The following OR51M1 variants were observed in gnomAD, a reference collection of about 807,000 sequenced individuals.
OR51M1 encodes the protein olfactory receptor family 51 subfamily M member 1.
For missense variants in OR51M1, 509 were observed against 404.4 expected (o/e 1.26, Z -2.22); for synonymous variants, 199 against 155.1 (o/e 1.28, Z -2.10).
chr11:5,393,039 A>G lies in OR51M1; in HGVS notation c.*2660A>G, dbSNP rs748583357. 3.9e-5 allele frequency: 6 copies of G among 152,256 alleles called. No individual in the cohort carries two copies. The highest frequency in any genetic ancestry group is 9.6e-5 in the African/African-American group (4 of 41,468). The allele number at this position is 152,256 out of a possible 1,614,324, so 9.4% of individuals were successfully genotyped here. ...TTTATAAAAAACAAAATACATCAAA[A>G]GACTTGAAAATATTCATGCTCTGTG... is the stretch of plus-strand genomic sequence containing the variant. On this transcript the variant is annotated 3_prime_UTR_variant, in exon 3 of 3. Transcript: ENST00000642046.
At position 5,390,176 on chromosome 11, in the gene OR51M1, G is replaced by C. The variant is rs774673987; in HGVS notation, c.778G>C (p.Val260Leu). ...FQTCTAPLCA[V>L]LVFFVPMMGL... Reference sequence around the variant, plus strand: ...GACATGCACCGCTCCTCTCTGTGCTGTGCTAGTATTCTTTGTGCCCATGAT... The same window carrying C: ...GACATGCACCGCTCCTCTCTGTGCTCTGCTAGTATTCTTTGTGCCCATGAT... The change falls in exon 3 of 3, where the codon GTG becomes CTG. Residue 260 changes from valine to leucine, a missense_variant. Val to Leu is a conservative substitution (Grantham distance 32, BLOSUM62 1). Transcript: ENST00000642046. 5.0e-6 allele frequency: 8 copies of C among 1,613,888 alleles called. No homozygotes were observed. Among genetic ancestry groups the C allele is most frequent in the South Asian group, 1.1e-5 (1 of 91,090 alleles).
intron 2 of OR51M1, among the ~76,000 whole-genome samples, chr11:5,388,753 G>A (rs2133727004): frequency 6.6e-6 from 1 of 152,022 alleles, no homozygotes; most frequent in South Asian, 2.1e-4. Context: ...GAATACAGTA[G>A]TACAAAAGAT....
intron 2 of OR51M1, among the ~76,000 whole-genome samples, chr11:5,388,441 G>T (rs1849736036): frequency 6.6e-6 from 1 of 151,006 alleles, no homozygotes; most frequent in Non-Finnish European, 1.5e-5. Flanking sequence ...AGCTAAGGTG[G>T]GTTATATTAG....
chr11:5,384,646 G>A (rs752390251), intron 1 of OR51M1, among the ~76,000 whole-genome samples: 1 of 152,094 alleles, frequency 6.6e-6, no homozygotes, highest in African/African-American at 2.4e-5. Context: ...CGAGCCATCT[G>A]GTATACACAC....
chr11:5,388,715 CGT>C (rs200737360), intron 2 of OR51M1, among the ~76,000 whole-genome samples: 3,569 of 151,798 alleles, frequency 0.024, 65 homozygotes, highest in Non-Finnish European at 0.036. Context: ...TTTATGTATA[CGT>C]CTCTCTTGCT....
In OR51M1 at chr11:5,389,854, A is replaced by G; in HGVS notation, c.456A>G (p.Gln152=). 2 of 1,613,798 alleles carry G rather than the reference A, an allele frequency of 1.2e-6. No individual in the cohort carries two copies. Among genetic ancestry groups the G allele is most frequent in the Non-Finnish European group, 1.7e-6 (2 of 1,179,878 alleles). The change falls in exon 3 of 3, where the codon CAA becomes CAG. Residue 152 remains glutamine (Q), a synonymous_variant. Transcript: ENST00000642046. ...ATTCGGTCATTATCACTGGCCAGCA[A>G]GTGGTCAGAGCAGGCCTAATTGTCA... ...LRYSVIITGQ[Q]VVRAGLIVIF... is the part of the protein sequence containing the mutation.
At chr11:5,385,255 A>G (rs1194854659) in intron 1 of OR51M1, 98 bp from the exon 2 acceptor site, 1 of 152,230 alleles carries the variant, frequency 6.6e-6, no homozygotes, top group Non-Finnish European at 1.5e-5. Context: ...ATGGATAATT[A>G]TCTCTCTTGC....
In OR51M1 at chr11:5,392,416, T is replaced by C. The variant is rs2133732029; in HGVS notation, c.*2037T>C. The C allele has an allele frequency of 6.6e-6, 1 of 152,292 alleles. No individual in the cohort carries two copies. Among genetic ancestry groups the C allele is most frequent in the East Asian group, 1.9e-4 (1 of 5,184 alleles). The allele number at this position is 152,292 out of a possible 1,614,324, so 9.4% of individuals were successfully genotyped here. On this transcript the variant is annotated 3_prime_UTR_variant, in exon 3 of 3. Transcript: ENST00000642046. ...ATTTGGTAGAATGGGGTACAAAAAA[T>C]TTAGGATTTGGATTTAGATTAGCAC...
At position 5,389,713 on chromosome 11, in the gene OR51M1, C is replaced by T. The variant is rs1849762320; in HGVS notation, c.315C>T (p.Tyr105=). ...GIFWFNSHSI[Y]FGACQIQMFC... ...TCTGGTTTAACTCCCATAGTATCTACTTTGGAGCGTGTCAAATCCAGATGT... is the reference window on the plus strand; with the variant it reads ...TCTGGTTTAACTCCCATAGTATCTATTTTGGAGCGTGTCAAATCCAGATGT... The change falls in exon 3 of 3, where the codon TAC becomes TAT. Residue 105 remains tyrosine (Y), a synonymous_variant. Coordinates refer to ENST00000642046, the MANE Select transcript of OR51M1 (RefSeq NM_001004756.3). 1.9e-6 allele frequency: 3 copies of T among 1,613,884 alleles called. No homozygotes were observed. The highest frequency in any genetic ancestry group is 8.5e-7 in the Non-Finnish European group (1 of 1,179,882).
intron 2 of OR51M1, among the ~76,000 whole-genome samples, chr11:5,386,604 A>G (rs958392966): frequency 4.6e-5 from 7 of 152,012 alleles, no homozygotes; most frequent in African/African-American, 1.4e-4. Flanking sequence ...AAAACAGTGC[A>G]GTGATTCATA....
intron 2 of OR51M1, among the ~76,000 whole-genome samples, chr11:5,388,452 T>C (rs1401906904): frequency 6.6e-6 from 1 of 151,038 alleles, no homozygotes; most frequent in African/African-American, 2.4e-5. Context: ...GTTATATTAG[T>C]AGAAGTTAAC....
Position 5,390,234 on chromosome 11 carries a change from A to T in OR51M1, c.836A>T (p.His279Leu). 6.2e-7 allele frequency: 1 copy of T among 1,614,050 alleles called. No homozygotes were observed. Among genetic ancestry groups the T allele is most frequent in the Admixed American group, 1.7e-5 (1 of 60,028 alleles). Residue 279 changes from histidine (H) to leucine (L), a missense_variant, in exon 3 of 3, where the codon CAT becomes CTT. Transcript: ENST00000642046. ...GLSLVHRFGK[H>L]APPAIHLLMA... is the part of the protein sequence containing the mutation. Reference sequence around the variant, plus strand: ...TCCCTGGTGCACCGTTTTGGGAAGCATGCCCCACCTGCTATTCATCTTCTT... The same window carrying T: ...TCCCTGGTGCACCGTTTTGGGAAGCTTGCCCCACCTGCTATTCATCTTCTT...
intron 1 of OR51M1, among the ~76,000 whole-genome samples, chr11:5,384,980 A>C (rs955393383): frequency 2.0e-5 from 3 of 152,236 alleles, no homozygotes; most frequent in Non-Finnish European, 4.4e-5. Flanking sequence ...TATTTACAAG[A>C]AACAGTATCC....
At chr11:5,387,845 C>A (rs1373376723) in intron 2 of OR51M1, among the ~76,000 whole-genome samples, 1 of 152,170 alleles carries the variant, frequency 6.6e-6, no homozygotes, top group Non-Finnish European at 1.5e-5. Context: ...ATCACTCTTA[C>A]CTTCCTCCTT....
rs1049282300 is a variant in OR51M1 at position 5,392,539 on chromosome 11, A to G, written c.*2160A>G. On this transcript the variant is annotated 3_prime_UTR_variant, in exon 3 of 3. Coordinates refer to ENST00000642046, the MANE Select transcript of OR51M1 (RefSeq NM_001004756.3). ...CGTACAGGTAATAACATATTTGAAA[A>G]CTTCTACCTTACTCAAATTTAAAAT... 6.6e-6 allele frequency: 1 copy of G among 152,194 alleles called. No homozygotes were observed. The allele number at this position is 152,194 out of a possible 1,614,324, so 9.4% of individuals were successfully genotyped here. A position where few individuals can be genotyped will look rare whatever the true frequency, so the allele number is the denominator to read the frequency against.
rs11037194 is a variant in OR51M1 at position 5,391,361 on chromosome 11, C to T, written c.*982C>T. On this transcript the variant is annotated 3_prime_UTR_variant, in exon 3 of 3. Coordinates refer to ENST00000642046, the MANE Select transcript of OR51M1 (RefSeq NM_001004756.3). The stretch of plus-strand genomic sequence containing the variant: ...TCCTTCCACAGTGCCCTGCATTTCC[C>T]GTTGTAACATTTGTCACACAGTAAT... 0.81 allele frequency: 123,880 copies of T among 152,042 alleles called. 50,878 individuals are homozygous for T. The highest frequency in any genetic ancestry group is 0.85 in the Middle Eastern group (250 of 294). The allele number at this position is 152,042 out of a possible 1,614,324, so 9.4% of individuals were successfully genotyped here.
rs1849778790 is a variant in OR51M1 at position 5,390,429 on chromosome 11, G to A, written c.*50G>A. The A allele has an allele frequency of 6.8e-7, 1 of 1,462,786 alleles. No individual in the cohort carries two copies. The highest frequency in any genetic ancestry group is 9.1e-7 in the Non-Finnish European group (1 of 1,097,054). The allele number at this position is 1,462,786 out of a possible 1,614,324, so 90.6% of individuals were successfully genotyped here. A position where few individuals can be genotyped will look rare whatever the true frequency, so the allele number is the denominator to read the frequency against. On this transcript the variant is annotated 3_prime_UTR_variant, in exon 3 of 3. Coordinates refer to ENST00000642046, the MANE Select transcript of OR51M1 (RefSeq NM_001004756.3). Reference sequence around the variant, plus strand: ...GAGGCCTATAAGAAGGCCCCAAATTGGACTGAAAATTTGGAGTATTGAGTA... The same window carrying A: ...GAGGCCTATAAGAAGGCCCCAAATTAGACTGAAAATTTGGAGTATTGAGTA...
In OR51M1 at chr11:5,383,918, G is replaced by GT. The variant is rs1849646389; in HGVS notation, c.-122+2dup. The GT allele has an allele frequency of 6.6e-6, 1 of 152,178 alleles. No individual in the cohort carries two copies. Among genetic ancestry groups the GT allele is most frequent in the Non-Finnish European group, 1.5e-5 (1 of 68,096 alleles). The allele number at this position is 152,178 out of a possible 1,614,324, so 9.4% of individuals were successfully genotyped here. On this transcript the variant is annotated splice_donor_variant, in intron 1 of 2. Coordinates refer to ENST00000642046, the MANE Select transcript of OR51M1 (RefSeq NM_001004756.3). LOFTEE classifies it low-confidence loss of function (5UTR_SPLICE). ...TTCACATTTTTGTTATTACCTGCTG[G>GT]TGAGTCTCACTACTGTCTTGTGCCG...
At position 5,391,649 on chromosome 11, in the gene OR51M1, T is replaced by A. The variant is rs949997235; in HGVS notation, c.*1270T>A. Reference sequence around the variant, plus strand: ...CCAAGAAGACACCTTTCTGCTGGCATCCATCAAGGTGGTATATCTTCATTG... The same window carrying A: ...CCAAGAAGACACCTTTCTGCTGGCAACCATCAAGGTGGTATATCTTCATTG... On this transcript the variant is annotated 3_prime_UTR_variant, in exon 3 of 3. Coordinates refer to ENST00000642046, the MANE Select transcript of OR51M1 (RefSeq NM_001004756.3). The A allele has an allele frequency of 6.6e-6, 1 of 152,230 alleles. No homozygotes were observed. The highest frequency in any genetic ancestry group is 1.5e-5 in the Non-Finnish European group (1 of 68,040). 9.4% of individuals were successfully genotyped at this position (152,230 alleles called of 1,614,324 possible). A position where few individuals can be genotyped will look rare whatever the true frequency, so the allele number is the denominator to read the frequency against.
Sources: gnomAD v4.1 joint callset for allele counts (sites outside exome capture counted in the v4.1 genomes callset) on GRCh38, gnomAD v4.1.1 for gene constraint, MANE v1.5 for transcripts, NCBI Gene and HGNC (gene_info 2026-07-23, HGNC 2026-07-21) for gene names.